The following IGDCC3 variants were observed in gnomAD, a reference collection of about 807,000 sequenced individuals.
The protein encoded by IGDCC3 is immunoglobulin superfamily DCC subclass member 3, also known as putative neuronal cell adhesion molecule.
IGDCC3 carries 47 observed loss-of-function variants against 72.0 expected under a neutral mutation model. The ratio of observed to expected loss-of-function variants is 0.65; its 90% CI spans 0.52 to 0.83. The LOEUF is 0.83. IGDCC3 is among the 40% of genes least tolerant of loss of function. The pLI, the probability that IGDCC3 is intolerant of heterozygous loss-of-function variation, is 0.00. For missense variants in IGDCC3, 1,038 were observed against 1,091.3 expected, an observed-to-expected ratio of 0.95 and a Z score of 0.69; for synonymous variants, 477 against 472.8, an observed-to-expected ratio of 1.01 and a Z score of -0.11.
At position 65,329,198 on chromosome 15, in the gene IGDCC3, A is replaced by G. The variant is rs1364829591; in HGVS notation, c.2206-50T>C. On this transcript the variant is annotated intron_variant, in intron 13 of 13. Transcript: ENST00000327987. The surrounding 1 kb of genome is among the most constrained non-coding windows in gnomAD (Gnocchi z 4.1). ...GCGTCAGCTTGAGGGCCAGGGCGCC[A>G]GGCTCCAACTCACCCCACTTGGGCC... The G allele has an allele frequency of 1.3e-6, 2 of 1,560,486 alleles. No homozygotes were observed. Among genetic ancestry groups the G allele is most frequent in the East Asian group, 2.3e-5 (1 of 44,272 alleles).
chr15:65,334,131 C>A (rs1430232122), intron 5 of IGDCC3, among the ~76,000 whole-genome samples: 2 of 152,112 alleles, frequency 1.3e-5, no homozygotes, highest in African/African-American at 4.8e-5. Flanking sequence ...CAATGTGGCA[C>A]AGTCTCCCTG....
chr15:65,375,580 A>T (rs574566617), intron 1 of IGDCC3, among the ~76,000 whole-genome samples, 178 bp from the exon 2 acceptor site: 9 of 152,378 alleles, frequency 5.9e-5, no homozygotes, highest in African/African-American at 2.2e-4. Context: ...ACAAAGTGCC[A>T]TCCAAGGCGG....
chr15:65,330,369 C>T lies in IGDCC3; in HGVS notation c.1782G>A (p.Leu594=). 1 of 1,614,026 alleles carries T rather than the reference C, an allele frequency of 6.2e-7. No individual in the cohort carries two copies. The highest frequency in any genetic ancestry group is 1.7e-4 in the Middle Eastern group (1 of 6,060). The change falls in exon 11 of 14, where the codon CTG becomes CTA. Residue 594 remains leucine (L), a synonymous_variant. Transcript: ENST00000327987. The stretch of plus-strand genomic sequence containing the variant: ...CATCTCCATGCTGGTTGTAGGCGAG[C>T]AGCTTCACCTCATACACTGCAGTGG... The part of the protein sequence containing the change: ...LDPTAVYEVK[L]LAYNQHGDGN...
chr15:65,332,671 C>G (rs944368386), intron 6 of IGDCC3, among the ~76,000 whole-genome samples: 2 of 152,230 alleles, frequency 1.3e-5, no homozygotes, highest in Non-Finnish European at 2.9e-5. Context: ...CCCTTTCCCC[C>G]GGTCTCCGGT....
intron 6 of IGDCC3, among the ~76,000 whole-genome samples, chr15:65,332,672 G>T (rs750907537): frequency 6.6e-6 from 1 of 152,154 alleles, no homozygotes; most frequent in Non-Finnish European, 1.5e-5. Flanking sequence ...CCTTTCCCCC[G>T]GTCTCCGGTA....
chr15:65,332,733 G>T (rs1316746878), intron 6 of IGDCC3, among the ~76,000 whole-genome samples: 1 of 152,252 alleles, frequency 6.6e-6, no homozygotes, highest in Non-Finnish European at 1.5e-5. Context: ...CCCAGTGCAT[G>T]GGGACAGTTA....
chr15:65,332,134 C>G lies in IGDCC3; in HGVS notation c.983-28G>C, dbSNP rs200565305. On this transcript the variant is annotated intron_variant, in intron 6 of 13. Transcript: ENST00000327987. Reference sequence around the variant, plus strand: ...GCGAGTAGAGTCAGGAGGGTGGGGGCGCAGACAGACACAGCTGTGAGTGAC... The same window carrying G: ...GCGAGTAGAGTCAGGAGGGTGGGGGGGCAGACAGACACAGCTGTGAGTGAC... 3.0e-4 allele frequency: 484 copies of G among 1,601,612 alleles called. 2 individuals carry two copies. In the East Asian group the frequency reaches 7.7e-3, roughly 25 times the overall value.
At position 65,377,179 on chromosome 15, in the gene IGDCC3, C is replaced by T. The variant is rs973370181; in HGVS notation, c.103+507G>A. 2.0e-5 allele frequency among the ~76,000 whole-genome samples: 3 copies of T among 152,182 alleles called. No individual in the cohort carries two copies. In the East Asian group the frequency reaches 5.8e-4, roughly 29 times the overall value. The stretch of plus-strand genomic sequence containing the variant: ...CTCGTCTTCTCCTGTCTCTCCCGCG[C>T]ACTCCTCAGCCCAGTACCAGCTCCA... On this transcript the variant is annotated intron_variant, in intron 1 of 13. Transcript: ENST00000327987. The surrounding 1 kb of genome is among the most constrained non-coding windows in gnomAD (Gnocchi z 4.9).
At chr15:65,346,455 A>G (rs1398943959) in intron 2 of IGDCC3, among the ~76,000 whole-genome samples, 1 of 137,552 alleles carries the variant, frequency 7.3e-6, no homozygotes, top group African/African-American at 2.8e-5. Context: ...TGGCCACGAG[A>G]CTCAGCTCTT....
At chr15:65,357,963 A>G (rs1461652831) in intron 2 of IGDCC3, among the ~76,000 whole-genome samples, 1 of 152,190 alleles carries the variant, frequency 6.6e-6, no homozygotes, top group African/African-American at 2.4e-5. Context: ...GGGTAGATGT[A>G]GGATGCCTGG....
Position 65,329,518 on chromosome 15 carries a change from C to T in IGDCC3, c.2077G>A (p.Ala693Thr). ...TGTCCCCGTCTCGCCCCATTTAGGG[C>T]TAGAATGCCAGGGTCCCTCTGGCTC... is the stretch of plus-strand genomic sequence containing the variant. ...PRSQRDPGIL[A>T]LNGARRGQRG... The change falls in exon 13 of 14, where the codon GCC (alanine) becomes ACC (threonine). Residue 693 changes from alanine (A) to threonine (T), a missense_variant. Physicochemically the swap from Ala to Thr is moderately conservative, Grantham distance 58. Coordinates refer to ENST00000327987, the MANE Select transcript of IGDCC3 (RefSeq NM_004884.4). The surrounding 1 kb of genome is among the most constrained non-coding windows in gnomAD (Gnocchi z 4.1). 1.2e-6 allele frequency: 2 copies of T among 1,606,498 alleles called. No homozygotes were observed. Among genetic ancestry groups the T allele is most frequent in the Non-Finnish European group, 1.7e-6 (2 of 1,178,164 alleles).
intron 8 of IGDCC3, 80 bp downstream of exon 8, chr15:65,331,332 A>G: frequency 1.9e-6 from 3 of 1,565,668 alleles, no homozygotes; most frequent in South Asian, 2.4e-5. Context: ...AAAGGGAGGC[A>G]TCGGGTCACG....
rs1233768451 is a variant in IGDCC3, at chr15:65,335,158, G to T, written c.685+133C>A. 10 of 1,014,470 alleles carry T rather than the reference G, an allele frequency of 9.9e-6. No individual in the cohort carries two copies. In the South Asian group the frequency reaches 1.1e-4, roughly 12 times the overall value. The allele number at this position is 1,014,470 out of a possible 1,614,324, so 62.8% of individuals were successfully genotyped here. On this transcript the variant is annotated intron_variant, in intron 4 of 13. Transcript: ENST00000327987. ...TTCCTGTGCACCCTCACGCCAGGCA[G>T]CACAGAGCCCGGCACTCTGCACGCA...
chr15:65,377,568 G>A lies in IGDCC3; in HGVS notation c.103+118C>T. 1 of 1,045,320 alleles carries A rather than the reference G, an allele frequency of 9.6e-7. No individual in the cohort carries two copies. The highest frequency in any genetic ancestry group is 3.2e-5 in the South Asian group (1 of 31,612). The allele number at this position is 1,045,320 out of a possible 1,614,324, so 64.8% of individuals were successfully genotyped here. ...GATCCGCAGGGTCCCCCCCGCGCGG[G>A]GTCCGCCCTCAGGTCCGCGCCGCTC... On this transcript the variant is annotated intron_variant, in intron 1 of 13. Transcript: ENST00000327987. The surrounding 1 kb of genome is among the most constrained non-coding windows in gnomAD (Gnocchi z 4.9).
At position 65,329,126 on chromosome 15, in the gene IGDCC3, G is replaced by T. The variant is rs1175564277; in HGVS notation, c.2228C>A (p.Pro743Gln). ...CACGGAGAGCTGGGTCTCCTCACAC[G>T]GAGCGGGGGCTGCAGGATCCTGCTG... is the stretch of plus-strand genomic sequence containing the variant. ...RPTQDPAAPA[P>Q]CEETQLSVLP... The change falls in exon 14 of 14, where the codon CCG (proline) becomes CAG (glutamine). Residue 743 changes from proline to glutamine, a missense_variant. By Grantham distance (76) the Pro-to-Gln change is moderately conservative. Transcript: ENST00000327987. This position sits in a 1 kb window ranked among gnomAD's most constrained non-coding sequence, Gnocchi z 4.1. 1 of 1,609,676 alleles carries T rather than the reference G, an allele frequency of 6.2e-7. No homozygotes were observed. The highest frequency in any genetic ancestry group is 8.5e-7 in the Non-Finnish European group (1 of 1,178,696).
chr15:65,354,488 A>G (rs2140158563), intron 2 of IGDCC3, among the ~76,000 whole-genome samples: 1 of 152,198 alleles, frequency 6.6e-6, no homozygotes, highest in African/African-American at 2.4e-5. Flanking sequence ...TCCTAACTCT[A>G]ACATGTTGCC....
chr15:65,369,546 C>T (rs546711855), intron 2 of IGDCC3, among the ~76,000 whole-genome samples: 2 of 152,276 alleles, frequency 1.3e-5, no homozygotes, highest in African/African-American at 4.8e-5. Flanking sequence ...TAGGTATGGG[C>T]ACTCACTCAT....
At position 65,331,136 on chromosome 15, in the gene IGDCC3, G is replaced by C. The variant is rs770335929; in HGVS notation, c.1475C>G (p.Thr492Arg). 6.2e-7 allele frequency: 1 copy of C among 1,614,164 alleles called. No homozygotes were observed. Among genetic ancestry groups the C allele is most frequent in the South Asian group, 1.1e-5 (1 of 91,082 alleles). Reference protein sequence around the residue: ...QHLVSDLEPSTAYSFYIKAYT... With the variant: ...QHLVSDLEPSRAYSFYIKAYT... ...GGCCTTGATGTAGAAACTGTAGGCT[G>C]TGGAGGGCTCCAGGTCGCTGACCAG... Residue 492 changes from threonine to arginine, a missense_variant, in exon 9 of 14, where the codon ACA (threonine) becomes AGA (arginine). Thr to Arg is a moderately conservative substitution (Grantham distance 71). Coordinates refer to ENST00000327987, the MANE Select transcript of IGDCC3 (RefSeq NM_004884.4).
chr15:65,338,160 C>T (rs944669688), intron 2 of IGDCC3, among the ~76,000 whole-genome samples: 3 of 152,138 alleles, frequency 2.0e-5, no homozygotes, highest in Non-Finnish European at 2.9e-5. Context: ...GTCTGATATC[C>T]GTCACTGTGC....
Sources: allele counts gnomAD v4.1 joint callset (sites outside exome capture counted in the v4.1 genomes callset), GRCh38; gene constraint gnomAD v4.1.1; non-coding constraint Gnocchi (gnomAD v3.1); transcripts MANE v1.5; gene names NCBI Gene and HGNC (gene_info 2026-07-23, HGNC 2026-07-21).